ARMH4: variants seen among roughly 807,000 people sequenced by gnomAD.
ARMH4 encodes armadillo like helical domain containing 4.
A neutral mutation model predicts 61.9 loss-of-function variants in ARMH4; 49 were observed. The observed-to-expected ratio is 0.79, with a 90% CI of 0.63 to 1.00. The LOEUF (loss-of-function observed/expected upper bound fraction) is 1.00. Ranked by LOEUF, ARMH4 falls within the 50% of genes least tolerant of loss-of-function variation. ARMH4 has a pLI of 0.00. For missense variants in ARMH4, 934 were observed against 930.0 expected, an observed-to-expected ratio of 1.00 and a Z score of -0.06; for synonymous variants, 368 against 341.5, an observed-to-expected ratio of 1.08 and a Z score of -0.85.
chr14:58,138,763 C>G lies in ARMH4; in HGVS notation c.596G>C (p.Gly199Ala). Reference sequence around the variant, plus strand: ...TGAAGGTGAATGTCCCAAACCAACTCCTTCCTGACTTTCAGTTGCAAATGA... The same window carrying G: ...TGAAGGTGAATGTCCCAAACCAACTGCTTCCTGACTTTCAGTTGCAAATGA... The part of the protein sequence containing the change: ...NQSFATESQE[G>A]VGLGHSPSSY... The change falls in exon 2 of 8, where the codon GGA becomes GCA. Residue 199 changes from glycine to alanine, a missense_variant. By Grantham distance (60) the Gly-to-Ala change is moderately conservative. Coordinates refer to ENST00000267485, the MANE Select transcript of ARMH4 (RefSeq NM_001001872.4). 2 of 1,614,220 alleles carry G rather than the reference C, an allele frequency of 1.2e-6. No homozygotes were observed. The highest frequency in any genetic ancestry group is 1.7e-6 in the Non-Finnish European group (2 of 1,180,052).
At chr14:58,093,898 G>A (rs1424745182) in intron 5 of ARMH4, among the ~76,000 whole-genome samples, 1 of 152,106 alleles carries the variant, frequency 6.6e-6, no homozygotes, top group Admixed American at 6.5e-5. Context: ...AGAAAAAGAA[G>A]CAACAGCAGA....
Position 58,138,690 on chromosome 14 carries a change from C to T in ARMH4, c.669G>A (p.Glu223=), listed in dbSNP as rs1409607972. ...TGTGGTCTGTGTCTGCTTCAAATTTCTCAGTCTTTGGATTGGTGGTTAGCA... is the reference window on the plus strand; with the variant it reads ...TGTGGTCTGTGTCTGCTTCAAATTTTTCAGTCTTTGGATTGGTGGTTAGCA... ...KEMLTTNPKT[E]KFEADTDHRT... The change falls in exon 2 of 8, where the codon GAG becomes GAA. Residue 223 remains glutamate, a synonymous_variant. Coordinates refer to ENST00000267485, the MANE Select transcript of ARMH4 (RefSeq NM_001001872.4). 1 of 1,614,162 alleles carries T rather than the reference C, an allele frequency of 6.2e-7. No individual in the cohort carries two copies. The highest frequency in any genetic ancestry group is 2.2e-5 in the East Asian group (1 of 44,882).
At chr14:58,014,715 G>A (rs1882539801) in intron 5 of ARMH4, among the ~76,000 whole-genome samples, 1 of 152,162 alleles carries the variant, frequency 6.6e-6, no homozygotes, top group Admixed American at 6.5e-5. Context: ...AAGTGGGTCA[G>A]CAGAAGTTAT....
chr14:58,079,163 C>G (rs1447492901), intron 5 of ARMH4, among the ~76,000 whole-genome samples: 1 of 152,134 alleles, frequency 6.6e-6, no homozygotes, highest in Non-Finnish European at 1.5e-5. Flanking sequence ...TAAAGTATAT[C>G]AAGTGCTTAG....
At chr14:58,044,285 G>C (rs932366813) in intron 5 of ARMH4, among the ~76,000 whole-genome samples, 22 of 152,188 alleles carry the variant, frequency 1.4e-4, no homozygotes, top group Admixed American at 1.4e-3. Flanking sequence ...CAATGGAACA[G>C]AATAGAGCCC....
chr14:58,015,992 T>C (rs11849274), intron 5 of ARMH4, among the ~76,000 whole-genome samples: 4,980 of 151,874 alleles, frequency 0.033, 300 homozygotes, highest in African/African-American at 0.11. Flanking sequence ...AACATCACAG[T>C]AATTAAAGAA....
chr14:58,064,465 C>T (rs1222775953), intron 5 of ARMH4, among the ~76,000 whole-genome samples: 1 of 152,170 alleles, frequency 6.6e-6, no homozygotes, highest in Admixed American at 6.5e-5. Flanking sequence ...CTCTTAAACA[C>T]ACAACTATTT....
At chr14:58,149,755 G>T (rs1395860485) in intron 1 of ARMH4, among the ~76,000 whole-genome samples, 1 of 152,186 alleles carries the variant, frequency 6.6e-6, no homozygotes, top group Non-Finnish European at 1.5e-5. Flanking sequence ...TTGCAAAGTA[G>T]AAATAATAAT....
chr14:58,053,142 G>A (rs1033152194), intron 5 of ARMH4, among the ~76,000 whole-genome samples: 1 of 152,074 alleles, frequency 6.6e-6, no homozygotes, highest in Non-Finnish European at 1.5e-5. Context: ...CTCCTCACTG[G>A]CTTCCTCACA....
chr14:58,115,091 T>G (rs1886475076), intron 4 of ARMH4, among the ~76,000 whole-genome samples: 1 of 151,922 alleles, frequency 6.6e-6, no homozygotes, highest in Admixed American at 6.6e-5. Context: ...AATTAATGAG[T>G]GGGACCTAAT....
intron 4 of ARMH4, among the ~76,000 whole-genome samples, chr14:58,116,808 A>G (rs1046191173): frequency 1.3e-5 from 2 of 152,220 alleles, no homozygotes; most frequent in African/African-American, 4.8e-5. Flanking sequence ...TTACATAAGT[A>G]CCTTCGCATT....
At chr14:58,132,461 T>TCCC (rs58728535) in intron 3 of ARMH4, among the ~76,000 whole-genome samples, 2 of 151,246 alleles carry the variant, frequency 1.3e-5, no homozygotes, top group African/African-American at 4.9e-5. Context: ...TTTCACCTCA[T>TCCC]CCCCCCCGGC....
chr14:58,122,618 G>A (rs1031997937), intron 4 of ARMH4, among the ~76,000 whole-genome samples: 7 of 151,654 alleles, frequency 4.6e-5, no homozygotes, highest in African/African-American at 7.3e-5. Context: ...CAGGACAAAC[G>A]GTATAAAAAA....
chr14:58,127,412 A>G (rs1286503536), intron 4 of ARMH4, among the ~76,000 whole-genome samples: 1 of 152,190 alleles, frequency 6.6e-6, no homozygotes, highest in African/African-American at 2.4e-5. Context: ...CTGCTGTCAT[A>G]TAAGATGTAA....
intron 5 of ARMH4, among the ~76,000 whole-genome samples, chr14:58,060,544 C>T (rs1884494899): frequency 6.6e-6 from 1 of 152,154 alleles, no homozygotes; most frequent in South Asian, 2.1e-4. Context: ...ATTTGTAAGT[C>T]TTAGACCCAG....
At chr14:58,054,300 C>T (rs1239603167) in intron 5 of ARMH4, among the ~76,000 whole-genome samples, 1 of 152,308 alleles carries the variant, frequency 6.6e-6, no homozygotes, top group Non-Finnish European at 1.5e-5. Flanking sequence ...TGGTAACACA[C>T]AGATTCTTTG....
chr14:58,019,031 A>T (rs970484101), intron 5 of ARMH4, among the ~76,000 whole-genome samples: 4 of 152,190 alleles, frequency 2.6e-5, no homozygotes, highest in African/African-American at 9.7e-5. Context: ...AGAAAGACAA[A>T]TATCGCACAA....
At chr14:58,110,715 T>C (rs1045303105) in intron 4 of ARMH4, among the ~76,000 whole-genome samples, 7 of 152,134 alleles carry the variant, frequency 4.6e-5, no homozygotes, top group Non-Finnish European at 7.4e-5. Flanking sequence ...CTTTAAAATT[T>C]GTTGAGATTT....
chr14:58,015,599 T>G (rs1242292793), intron 5 of ARMH4, among the ~76,000 whole-genome samples: 1 of 152,178 alleles, frequency 6.6e-6, no homozygotes, highest in Non-Finnish European at 1.5e-5. Flanking sequence ...AGCATGATTC[T>G]CATTCATGAG....
Sources: gnomAD v4.1 joint callset for allele counts (sites outside exome capture counted in the v4.1 genomes callset) on GRCh38, gnomAD v4.1.1 for gene constraint, MANE v1.5 for transcripts, NCBI Gene and HGNC (gene_info 2026-07-23, HGNC 2026-07-21) for gene names.